Variants in ZBTB16 observed in about 807,000 individuals in gnomAD.
ZBTB16 encodes the protein zinc finger and BTB domain containing 16, also known as zinc finger and BTB domain-containing protein 16.
Under a neutral mutation model 56.8 loss-of-function variants are expected in ZBTB16, and 8 were observed. The ratio of observed to expected loss-of-function variants is 0.14; its 90% CI spans 0.08 to 0.25. The LOEUF is 0.25. ZBTB16 is among the 10% of genes least tolerant of loss of function. The probability of loss-of-function intolerance (pLI) is 1.00; values close to 1 mark genes in which losing one functional copy is unlikely to be tolerated. For synonymous variants in ZBTB16, 363 were observed against 368.5 expected (o/e 0.98, Z 0.17); for missense variants, 625 against 903.0 (o/e 0.69, Z 3.95).
intron 4 of ZBTB16, among the ~76,000 whole-genome samples, chr11:114,227,025 T>G (rs922933315): frequency 2.6e-5 from 4 of 152,184 alleles, no homozygotes; most frequent in African/African-American, 9.7e-5. Flanking sequence ...TCTCATTGCT[T>G]GCCTATTCAG....
At chr11:114,233,392 G>A (rs1008648264) in intron 4 of ZBTB16, among the ~76,000 whole-genome samples, 9 of 151,962 alleles carry the variant, frequency 5.9e-5, no homozygotes, top group Non-Finnish European at 1.3e-4. Context: ...TGTTGCTGTC[G>A]GTGTGGCACT....
At chr11:114,108,001 CATT>C (rs1337312482) in intron 2 of ZBTB16, among the ~76,000 whole-genome samples, 3 of 151,176 alleles carry the variant, frequency 2.0e-5, no homozygotes, top group East Asian at 3.9e-4. Context: ...TGATTATTAT[CATT>C]ATTATTATTA....
intron 4 of ZBTB16, among the ~76,000 whole-genome samples, chr11:114,191,450 C>T (rs1311217385): frequency 6.6e-6 from 1 of 152,052 alleles, no homozygotes; most frequent in Non-Finnish European, 1.5e-5. Context: ...ATTGGCTGTC[C>T]CATATAGCCT....
At chr11:114,095,647 C>A (rs951832185) in intron 2 of ZBTB16, among the ~76,000 whole-genome samples, 9 of 152,196 alleles carry the variant, frequency 5.9e-5, no homozygotes, top group Non-Finnish European at 7.3e-5. Context: ...AGACCTTCTT[C>A]ACTCGCCCAC....
chr11:114,154,381 G>C (rs1446248955), intron 2 of ZBTB16, among the ~76,000 whole-genome samples: 1 of 152,154 alleles, frequency 6.6e-6, no homozygotes. Flanking sequence ...TGCCATGACT[G>C]TGTGCGAGTT....
chr11:114,198,753 A>AT (rs1943663093), intron 4 of ZBTB16, among the ~76,000 whole-genome samples: 1 of 152,132 alleles, frequency 6.6e-6, no homozygotes. Flanking sequence ...CTGGCACATC[A>AT]TTGTCACCCA....
intron 2 of ZBTB16, among the ~76,000 whole-genome samples, chr11:114,134,386 A>T: frequency 6.6e-6 from 1 of 151,808 alleles, no homozygotes; most frequent in East Asian, 1.9e-4. Flanking sequence ...ACTTTTTGGT[A>T]TCCAAACTTG....
At chr11:114,188,530 A>G (rs1307855658) in intron 4 of ZBTB16, 1 of 152,204 alleles carries the variant, frequency 6.6e-6, no homozygotes, top group Non-Finnish European at 1.5e-5. Context: ...GAAATAAGGT[A>G]TTTTATTTGA....
intron 3 of ZBTB16, among the ~76,000 whole-genome samples, chr11:114,158,048 C>T (rs1187810638): frequency 6.6e-6 from 1 of 152,126 alleles, no homozygotes; most frequent in Non-Finnish European, 1.5e-5. Flanking sequence ...CTTCATGCTT[C>T]CCTTCAGCTT....
At position 114,235,751 on chromosome 11, in the gene ZBTB16, TC is replaced by T. The variant is rs1196860035; in HGVS notation, c.1454-6414del. Among the ~76,000 whole-genome samples the T allele has an allele frequency of 1.2e-4, 18 of 149,592 alleles. 1 individual carries two copies. The highest frequency in any genetic ancestry group is 4.5e-4 in the African/African-American group (18 of 40,146). ...CTTTCTTTCTTTTCTTTTCTTTCCTTCCTTCCTTCCTTCCTTCGTTCCTTCC... is the reference window on the plus strand; with the variant it reads ...CTTTCTTTCTTTTCTTTTCTTTCCTTCTTCCTTCCTTCCTTCGTTCCTTCC... On this transcript the variant is annotated intron_variant, in intron 4 of 6. Coordinates refer to ENST00000335953, the MANE Select transcript of ZBTB16 (RefSeq NM_006006.6).
intron 4 of ZBTB16, among the ~76,000 whole-genome samples, chr11:114,218,347 A>G (rs1944155561): frequency 6.6e-6 from 1 of 152,036 alleles, no homozygotes; most frequent in African/African-American, 2.4e-5. Flanking sequence ...ATTCCTTCCA[A>G]AGAAGAGGAG....
At chr11:114,155,521 A>C (rs948870855) in intron 2 of ZBTB16, among the ~76,000 whole-genome samples, 1 of 152,160 alleles carries the variant, frequency 6.6e-6, no homozygotes, top group African/African-American at 2.4e-5. Flanking sequence ...ACCGGTTGTT[A>C]CTGGGACCTT....
Position 114,063,823 on chromosome 11 carries a change from A to G in ZBTB16, c.523A>G (p.Ser175Gly), listed in dbSNP as rs1374800836. 6.2e-7 allele frequency: 1 copy of G among 1,614,100 alleles called. No homozygotes were observed. The highest frequency in any genetic ancestry group is 8.5e-7 in the Non-Finnish European group (1 of 1,180,032). Residue 175 changes from serine (S) to glycine (G), a missense_variant, in exon 2 of 7, where the codon AGC (serine) becomes GGC (glycine). Transcript: ENST00000335953. This position sits in a 1 kb window ranked among gnomAD's most constrained non-coding sequence, Gnocchi z 6.5. ...TGGGTATGCCAGTGTGGCTGGACAG[A>G]GCCTCCCTGGGCCCATGGTGGACCA... ...ESGYASVAGQ[S>G]LPGPMVDQSP...
intron 4 of ZBTB16, among the ~76,000 whole-genome samples, chr11:114,235,096 C>A (rs1334551787): frequency 6.6e-6 from 1 of 152,116 alleles, no homozygotes. Context: ...GGTTTTCACA[C>A]CCTCCTAAAT....
intron 2 of ZBTB16, among the ~76,000 whole-genome samples, chr11:114,076,950 C>CATTGAAA (rs1939589865): frequency 3.9e-5 from 6 of 152,134 alleles, no homozygotes; most frequent in Non-Finnish European, 8.8e-5. Flanking sequence ...TAAATATTCC[C>CATTGAAA]CAGCAGCCAG....
chr11:114,183,225 T>C (rs1026754689), intron 3 of ZBTB16, among the ~76,000 whole-genome samples: 2 of 152,152 alleles, frequency 1.3e-5, no homozygotes, highest in African/African-American at 4.8e-5. Context: ...CCAGAGTCAC[T>C]GAGGACAGGG....
At chr11:114,097,820 A>G (rs1473039573) in intron 2 of ZBTB16, among the ~76,000 whole-genome samples, 5 of 152,216 alleles carry the variant, frequency 3.3e-5, no homozygotes. Flanking sequence ...AAGTTAAGGA[A>G]AATCTTCCGC....
intron 2 of ZBTB16, among the ~76,000 whole-genome samples, chr11:114,147,216 T>A (rs1185609531): frequency 6.6e-6 from 1 of 152,250 alleles, no homozygotes; most frequent in Non-Finnish European, 1.5e-5. Context: ...TAAACCTCAG[T>A]TATTCTCAAC....
chr11:114,147,684 T>TAAAAGA (rs1231757849), intron 2 of ZBTB16, among the ~76,000 whole-genome samples: 65 of 152,298 alleles, frequency 4.3e-4, no homozygotes, highest in Middle Eastern at 3.4e-3. Flanking sequence ...TCTGGTCTCT[T>TAAAAGA]AAAAGAAAAA....
Sources: gnomAD v4.1 joint callset for allele counts (sites outside exome capture counted in the v4.1 genomes callset) on GRCh38, gnomAD v4.1.1 for gene constraint, Gnocchi (gnomAD v3.1) non-coding constraint, MANE v1.5 for transcripts, NCBI Gene and HGNC (gene_info 2026-07-23, HGNC 2026-07-21) for gene names.